Variants in GPHN observed in about 807,000 individuals in gnomAD.
The protein encoded by GPHN is gephyrin.
A neutral mutation model predicts 95.5 loss-of-function variants in GPHN; 17 were observed. The ratio of observed to expected loss-of-function variants is 0.18; its 90% CI spans 0.12 to 0.27. GPHN has a LOEUF of 0.27. Ranked by LOEUF, GPHN falls within the 10% of genes least tolerant of loss-of-function variation. The pLI is 1.00. For synonymous variants in GPHN, 320 were observed against 322.5 expected (o/e 0.99, Z 0.08); for missense variants, 660 against 978.1 (o/e 0.67, Z 4.34).
intron 8 of GPHN, among the ~76,000 whole-genome samples, chr14:66,946,438 C>G (rs1452823730): frequency 6.6e-6 from 1 of 152,134 alleles, no homozygotes; most frequent in Non-Finnish European, 1.5e-5. Context: ...CAGAGTCTCA[C>G]TCTTTTTGCC....
intron 2 of GPHN, among the ~76,000 whole-genome samples, chr14:66,705,283 G>A (rs2068967388): frequency 1.1e-5 from 1 of 94,672 alleles, no homozygotes; most frequent in Non-Finnish European, 1.8e-5. Flanking sequence ...CCAAACAGTT[G>A]AAAAGGAGGG....
At chr14:66,909,345 T>C (rs74461304) in intron 5 of GPHN, among the ~76,000 whole-genome samples, 1 of 152,186 alleles carries the variant, frequency 6.6e-6, no homozygotes, top group African/African-American at 2.4e-5. Flanking sequence ...ATAATCTTAT[T>C]ACAAAACTAG....
chr14:66,664,730 A>G (rs2065850007), intron 1 of GPHN, among the ~76,000 whole-genome samples: 1 of 151,726 alleles, frequency 6.6e-6, no homozygotes, highest in South Asian at 2.1e-4. Flanking sequence ...ATAGGCCACT[A>G]GATAGACTCA....
At chr14:67,165,834 A>G (rs1276778232) in intron 20 of GPHN, among the ~76,000 whole-genome samples, 3 of 152,212 alleles carry the variant, frequency 2.0e-5, no homozygotes, top group African/African-American at 7.2e-5. Flanking sequence ...TGTTCAGATT[A>G]TAGAAAGAGC....
At chr14:66,710,084 G>A (rs2069474119) in intron 2 of GPHN, among the ~76,000 whole-genome samples, 1 of 152,120 alleles carries the variant, frequency 6.6e-6, no homozygotes, top group Non-Finnish European at 1.5e-5. Flanking sequence ...ATTAACAGTA[G>A]TGCTTATAAA....
At chr14:66,657,389 T>A (rs576789727) in intron 1 of GPHN, among the ~76,000 whole-genome samples, 53 of 152,344 alleles carry the variant, frequency 3.5e-4, no homozygotes, top group African/African-American at 1.2e-3. Flanking sequence ...TCATCCATAA[T>A]CTAGCTAAAA....
At chr14:66,538,898 G>A (rs1239423023) in intron 1 of GPHN, among the ~76,000 whole-genome samples, 1 of 151,486 alleles carries the variant, frequency 6.6e-6, no homozygotes. Flanking sequence ...AATAATTTAT[G>A]TAGAGGCTGA....
intron 4 of GPHN, among the ~76,000 whole-genome samples, chr14:66,833,584 G>A (rs994967240): frequency 6.6e-6 from 1 of 151,168 alleles, no homozygotes; most frequent in Non-Finnish European, 1.5e-5. Context: ...TTTTGAATCA[G>A]CATTTATTCG....
intron 1 of GPHN, among the ~76,000 whole-genome samples, chr14:66,632,811 A>G (rs1272397017): frequency 1.3e-5 from 2 of 152,096 alleles, no homozygotes; most frequent in Non-Finnish European, 2.9e-5. Flanking sequence ...CATTCTGCGT[A>G]TTCCAGTCAG....
the GPHN span, among the ~76,000 whole-genome samples, chr14:67,655,614 C>T: frequency 6.6e-6 from 1 of 151,612 alleles, no homozygotes; most frequent in African/African-American, 2.4e-5. Context: ...AACTGTGGTA[C>T]TATTTTATGA....
chr14:66,971,322 C>A (rs1156998849), intron 9 of GPHN, among the ~76,000 whole-genome samples: 1 of 152,056 alleles, frequency 6.6e-6, no homozygotes, highest in Non-Finnish European at 1.5e-5. Context: ...GAACGAAACT[C>A]CATCTAGCTA....
intron 1 of GPHN, among the ~76,000 whole-genome samples, chr14:66,653,785 G>A (rs544588054): frequency 6.6e-6 from 1 of 152,274 alleles, no homozygotes; most frequent in African/African-American, 2.4e-5. Context: ...TGACAGAGAA[G>A]TATTCCATGG....
the GPHN span, among the ~76,000 whole-genome samples, chr14:67,228,169 CAAAAA>C: frequency 3.1e-5 from 2 of 64,152 alleles, no homozygotes; most frequent in East Asian, 4.6e-4. Context: ...GACTTTGTCT[CAAAAA>C]AAAAAAAAAA....
chr14:67,200,873 A>G, the GPHN span, among the ~76,000 whole-genome samples: 340 of 152,334 alleles, frequency 2.2e-3, 1 homozygote, highest in African/African-American at 7.9e-3. Context: ...TTAGCAGTCT[A>G]TAGGTCAGAC....
chr14:67,340,751 C>T, the GPHN span, among the ~76,000 whole-genome samples: 4 of 152,198 alleles, frequency 2.6e-5, no homozygotes, highest in African/African-American at 9.6e-5. Flanking sequence ...CTGCTGCCAT[C>T]TCAGCTCACT....
chr14:67,041,579 G>T (rs552849997), intron 10 of GPHN, among the ~76,000 whole-genome samples: 16 of 152,222 alleles, frequency 1.1e-4, no homozygotes, highest in African/African-American at 3.6e-4. Flanking sequence ...AGTATTCCAT[G>T]GTGTATATGT....
intron 8 of GPHN, among the ~76,000 whole-genome samples, chr14:66,927,771 C>G (rs1341669487): frequency 6.6e-6 from 1 of 152,018 alleles, no homozygotes; most frequent in East Asian, 1.9e-4. Context: ...TCGTCAAATG[C>G]TTTTTCAGCA....
chr14:67,625,680 C>CAAAAAAAA, the GPHN span, among the ~76,000 whole-genome samples: 6 of 32,028 alleles, frequency 1.9e-4, no homozygotes, highest in Admixed American at 3.6e-4. Flanking sequence ...AACTCCATCT[C>CAAAAAAAA]AAAAAAAAAA....
At chr14:66,658,417 T>C (rs1016279030) in intron 1 of GPHN, among the ~76,000 whole-genome samples, 1 of 152,142 alleles carries the variant, frequency 6.6e-6, no homozygotes, top group African/African-American at 2.4e-5. Flanking sequence ...TCTTCCAATT[T>C]TGAAAAAAAT....
Sources: gnomAD v4.1 joint callset for allele counts (sites outside exome capture counted in the v4.1 genomes callset) on GRCh38, gnomAD v4.1.1 for gene constraint, MANE v1.5 for transcripts, NCBI Gene and HGNC (gene_info 2026-07-23, HGNC 2026-07-21) for gene names.